The following LRP1B variants were observed in gnomAD, a reference collection of about 807,000 sequenced individuals.
LRP1B encodes LDL receptor related protein 1B.
Under a neutral mutation model 556.6 loss-of-function variants are expected in LRP1B, and 217 were observed. That is an observed-to-expected ratio of 0.39 (90% CI 0.35 to 0.44). The LOEUF (loss-of-function observed/expected upper bound fraction) is 0.44, where lower values mean the gene tolerates loss of function less well. LRP1B is among the 20% of genes least tolerant of loss of function. LRP1B has a pLI of 1.00. For missense variants in LRP1B, 5,053 were observed against 5,620.8 expected (o/e 0.90, Z 3.23); for synonymous variants, 2,047 against 1,865.8 (o/e 1.10, Z -2.50).
rs561355378 is a variant in LRP1B, at chr2:140,950,286, T to C, written c.3085A>G (p.Asn1029Asp). The C allele has an allele frequency of 1.7e-5, 27 of 1,612,750 alleles. No homozygotes were observed. In the African/African-American group the frequency reaches 1.7e-4, roughly 10 times the overall value. ...IPGHWACDGD[N>D]DCGDFSDEAQ... Reference sequence around the variant, plus strand: ...TCATCACTGAAGTCCCCACAGTCATTGTCACCATCACAGGCCCAGTGGCCT... The same window carrying C: ...TCATCACTGAAGTCCCCACAGTCATCGTCACCATCACAGGCCCAGTGGCCT... The change falls in exon 20 of 91, where the codon AAT becomes GAT. Residue 1029 changes from asparagine to aspartate, a missense_variant. This residue lies in a region of LRP1B where 3,619 missense variants were observed against 3,931.9 expected (regional missense o/e 0.92). Transcript: ENST00000389484.
intron 43 of LRP1B, among the ~76,000 whole-genome samples, chr2:140,583,655 C>A (rs1681870092): frequency 6.6e-6 from 1 of 151,976 alleles, no homozygotes; most frequent in Non-Finnish European, 1.5e-5. Flanking sequence ...AGTAATTTAA[C>A]AATGTAATTG....
At chr2:141,248,587 G>A (rs1386364566) in intron 4 of LRP1B, among the ~76,000 whole-genome samples, 2 of 152,138 alleles carry the variant, frequency 1.3e-5, no homozygotes, top group East Asian at 3.9e-4. Flanking sequence ...AGAAGCATAA[G>A]GAGTCAAATG....
In LRP1B at chr2:142,023,476, T is replaced by A. The variant is rs114672344; in HGVS notation, c.82+107172A>T. On this transcript the variant is annotated intron_variant, in intron 1 of 90. Coordinates refer to ENST00000389484, the MANE Select transcript of LRP1B (RefSeq NM_018557.3). Reference sequence around the variant, plus strand: ...TGAAGACCCCAGTAAAGTCATAAGGTTACCAAGAGCACACACAAAGCAAAA... The same window carrying A: ...TGAAGACCCCAGTAAAGTCATAAGGATACCAAGAGCACACACAAAGCAAAA... Among the ~76,000 whole-genome samples, 1,280 of 152,302 alleles carry A rather than the reference T, an allele frequency of 8.4e-3. 6 individuals are homozygous for A. The highest frequency in any genetic ancestry group is 0.013 in the Non-Finnish European group (906 of 68,030).
intron 3 of LRP1B, among the ~76,000 whole-genome samples, chr2:141,314,891 T>C (rs1392068724): frequency 4.2e-5 from 6 of 144,350 alleles, no homozygotes; most frequent in Admixed American, 2.1e-4. Context: ...TATATACATA[T>C]ATACATATAT....
intron 20 of LRP1B, among the ~76,000 whole-genome samples, chr2:140,936,374 A>G (rs774764139): frequency 8.5e-6 from 1 of 117,878 alleles, no homozygotes; most frequent in Non-Finnish European, 1.9e-5. Context: ...AAAGGAAAAA[A>G]GAAAAGAAAA....
At chr2:141,656,348 AT>A (rs1218648194) in intron 2 of LRP1B, among the ~76,000 whole-genome samples, 39 of 152,186 alleles carry the variant, frequency 2.6e-4, no homozygotes, top group Non-Finnish European at 4.0e-4. Flanking sequence ...GGAATCCCTT[AT>A]AAGACATTAA....
At chr2:140,731,308 T>A (rs1687767439) in intron 35 of LRP1B, among the ~76,000 whole-genome samples, 1 of 152,200 alleles carries the variant, frequency 6.6e-6, no homozygotes, top group South Asian at 2.1e-4. Flanking sequence ...GGATTCACAA[T>A]GTCTTCCTCC....
rs769881837 is a variant in LRP1B at position 141,013,572 on chromosome 2, A to T, written c.2364T>A (p.Asp788Glu). 3 of 1,608,120 alleles carry T rather than the reference A, an allele frequency of 1.9e-6. No homozygotes were observed. The highest frequency in any genetic ancestry group is 2.5e-6 in the Non-Finnish European group (3 of 1,177,688). The stretch of plus-strand genomic sequence containing the variant: ...TTTTAATACCTTGTTGCTTTCGTGG[A>T]TCATAAATCTGAAGCCCAAATAGGG... The part of the protein sequence containing the change: ...RPPLFGLQIY[D>E]PRKQQGDNMC... Residue 788 changes from aspartate to glutamate, a missense_variant, in exon 14 of 91, where the codon GAT (aspartate) becomes GAA (glutamate). By Grantham distance (45) the Asp-to-Glu change is conservative. Around this residue, in one of 5 missense-constraint regions of LRP1B, gnomAD observed 3,619 missense variants for 3,931.9 expected, o/e 0.92. Transcript: ENST00000389484.
intron 41 of LRP1B, among the ~76,000 whole-genome samples, chr2:140,632,609 C>T (rs138378156): frequency 8.3e-4 from 126 of 152,062 alleles, no homozygotes; most frequent in Non-Finnish European, 8.2e-4. Flanking sequence ...GAAAAAAGTG[C>T]TACAAATGTT....
At chr2:140,801,378 A>T (rs1187796458) in intron 32 of LRP1B, among the ~76,000 whole-genome samples, 1 of 152,196 alleles carries the variant, frequency 6.6e-6, no homozygotes, top group Non-Finnish European at 1.5e-5. Context: ...AACAAGGCAA[A>T]GAGAAATAAG....
At chr2:140,331,342 T>C (rs1398413943) in intron 79 of LRP1B, among the ~76,000 whole-genome samples, 1 of 152,096 alleles carries the variant, frequency 6.6e-6, no homozygotes, top group Non-Finnish European at 1.5e-5. Flanking sequence ...TGGAACACAT[T>C]GCTTACCTGC....
chr2:141,547,045 T>G (rs1685580457), intron 2 of LRP1B, among the ~76,000 whole-genome samples: 1 of 152,180 alleles, frequency 6.6e-6, no homozygotes, highest in Admixed American at 6.6e-5. Context: ...ACATCTTTTG[T>G]TGTCTAAGCT....
intron 7 of LRP1B, among the ~76,000 whole-genome samples, chr2:141,115,927 G>A (rs1041378772): frequency 1.2e-4 from 18 of 152,122 alleles, no homozygotes; most frequent in African/African-American, 4.1e-4. Context: ...CAACATGAAA[G>A]CATCGTAAGA....
chr2:141,188,401 C>T lies in LRP1B; in HGVS notation c.1013+20G>A, dbSNP rs1185470365. On this transcript the variant is annotated intron_variant, in intron 7 of 90. Coordinates refer to ENST00000389484, the MANE Select transcript of LRP1B (RefSeq NM_018557.3). ...TAAACGCAAACTTTTTTAGACCAAA[C>T]ACTATAAAGAATTTCTTACCCTGCT... The T allele has an allele frequency of 1.2e-6, 2 of 1,604,302 alleles. No homozygotes were observed. Among genetic ancestry groups the T allele is most frequent in the Non-Finnish European group, 1.7e-6 (2 of 1,175,948 alleles).
intron 3 of LRP1B, among the ~76,000 whole-genome samples, chr2:141,385,977 T>C (rs182241964): frequency 6.6e-6 from 1 of 152,316 alleles, no homozygotes; most frequent in Non-Finnish European, 1.5e-5. Flanking sequence ...AAATGATTGC[T>C]TATCAGTAGC....
intron 56 of LRP1B, among the ~76,000 whole-genome samples, chr2:140,495,233 A>C (rs1196743357): frequency 6.6e-6 from 1 of 152,102 alleles, no homozygotes. Flanking sequence ...TAATAATGTC[A>C]CAATAGTCTC....
chr2:141,955,436 T>C (rs1416370377), intron 1 of LRP1B, among the ~76,000 whole-genome samples: 2 of 152,160 alleles, frequency 1.3e-5, no homozygotes, highest in East Asian at 1.9e-4. Context: ...ATTTAGGTTA[T>C]TTCTGTATTT....
intron 2 of LRP1B, chr2:141,805,839 G>A (rs1186007702): frequency 6.6e-6 from 1 of 152,052 alleles, no homozygotes; most frequent in Non-Finnish European, 1.5e-5. Flanking sequence ...GCTTTTTACA[G>A]AAAAAGCATG....
intron 41 of LRP1B, among the ~76,000 whole-genome samples, chr2:140,675,370 A>G (rs1044625342): frequency 6.6e-6 from 1 of 152,234 alleles, no homozygotes; most frequent in Non-Finnish European, 1.5e-5. Context: ...CCAAACATGC[A>G]TTTTAAGTTA....
Sources: gnomAD v4.1 joint callset for allele counts (sites outside exome capture counted in the v4.1 genomes callset) on GRCh38, gnomAD v4.1.1 for gene constraint, gnomAD v4.1.1 regional missense constraint, MANE v1.5 for transcripts, NCBI Gene and HGNC (gene_info 2026-07-23, HGNC 2026-07-21) for gene names.